The following RO60 variants were observed in gnomAD, a reference collection of about 807,000 sequenced individuals.
The protein encoded by RO60 is Ro60, Y RNA binding protein.
A neutral mutation model predicts 55.3 loss-of-function variants in RO60; 20 were observed. The observed-to-expected ratio is 0.36, with a 90% CI of 0.25 to 0.53. RO60 has a LOEUF of 0.53. RO60 is among the 20% of genes least tolerant of loss of function. The pLI, the probability that RO60 is intolerant of heterozygous loss-of-function variation, is 0.92. For missense variants in RO60, 558 were observed against 646.6 expected (o/e 0.86, Z 1.49); for synonymous variants, 213 against 213.6 (o/e 1.00, Z 0.02).
chr1:193,075,681 G>A, intron 2 of RO60, 139 bp from the exon 3 acceptor site: 1 of 552,580 alleles, frequency 1.8e-6, no homozygotes, highest in Non-Finnish European at 3.2e-6. Context: ...GTTATATCAT[G>A]GAAAGCAGCA....
chr1:193,075,289 C>CTTTT (rs5779659), intron 2 of RO60, among the ~76,000 whole-genome samples: 2 of 135,272 alleles, frequency 1.5e-5, no homozygotes, highest in Non-Finnish European at 1.6e-5. Context: ...TTACTGTTTC[C>CTTTT]TTTTTTTTTT....
intron 1 of RO60, among the ~76,000 whole-genome samples, chr1:193,060,600 A>T (rs575663306): frequency 1.3e-4 from 20 of 152,310 alleles, no homozygotes; most frequent in Middle Eastern, 3.4e-3. Flanking sequence ...GCCTTGTGCT[A>T]CAGATTATGT....
In RO60 at chr1:193,069,348, T is replaced by G; in HGVS notation, c.294T>G (p.Ile98Met). 1 of 1,614,234 alleles carries G rather than the reference T, an allele frequency of 6.2e-7. No individual in the cohort carries two copies. Among genetic ancestry groups the G allele is most frequent in the Non-Finnish European group, 8.5e-7 (1 of 1,180,038 alleles). The change falls in exon 2 of 9, where the codon ATT becomes ATG. Residue 98 changes from isoleucine to methionine, a missense_variant. By Grantham distance (10) the Ile-to-Met change is conservative. Coordinates refer to ENST00000400968, the MANE Select transcript of RO60 (RefSeq NM_001173524.2). ...AGCCTATGCTCTTTGCACTTGCCATTTGTTCCCAGTGCTCCGACATAAGCA... is the reference window on the plus strand; with the variant it reads ...AGCCTATGCTCTTTGCACTTGCCATGTGTTCCCAGTGCTCCGACATAAGCA... ...KQEPMLFALA[I>M]CSQCSDISTK...
intron 1 of RO60, 154 bp from the exon 2 acceptor site, chr1:193,068,880 T>C (rs1471841851): frequency 7.4e-6 from 4 of 541,004 alleles, no homozygotes; most frequent in Non-Finnish European, 1.3e-5. Flanking sequence ...TCAGGACATT[T>C]ATATTGATTT....
rs199900542 is a variant in RO60 at position 193,069,313 on chromosome 1, A to T, written c.259A>T (p.Thr87Ser). ...IKSFSQEGRTTKQEPMLFALA... is the reference protein window; with the variant it reads ...IKSFSQEGRTSKQEPMLFALA... ...GTCATTTAGTCAAGAAGGCAGAACC[A>T]CAAAGCAAGAGCCTATGCTCTTTGC... Residue 87 changes from threonine (T) to serine (S), a missense_variant, in exon 2 of 9, where the codon ACA becomes TCA. Transcript: ENST00000400968. The T allele has an allele frequency of 1.9e-6, 3 of 1,614,278 alleles. No individual in the cohort carries two copies. The highest frequency in any genetic ancestry group is 1.6e-4 in the Middle Eastern group (1 of 6,062).
At chr1:193,070,405 T>C in intron 2 of RO60, 1 of 304,498 alleles carries the variant, frequency 3.3e-6, no homozygotes, top group Non-Finnish European at 6.8e-6. Flanking sequence ...AAAGAGACTT[T>C]TGAAAAGTTA....
At chr1:193,079,253 A>C (rs982371301) in intron 5 of RO60, among the ~76,000 whole-genome samples, 18 of 151,804 alleles carry the variant, frequency 1.2e-4, no homozygotes, top group Non-Finnish European at 2.4e-4. Flanking sequence ...ACACTCAACT[A>C]ATTTATTCCA....
intron 1 of RO60, among the ~76,000 whole-genome samples, chr1:193,068,437 G>A (rs1673261725): frequency 6.6e-6 from 1 of 152,236 alleles, no homozygotes; most frequent in Non-Finnish European, 1.5e-5. Context: ...GAAAGGCCTA[G>A]CCTCCTTTGA....
At position 193,088,529 on chromosome 1, in the gene RO60, T is replaced by G. The variant is rs1186057267; in HGVS notation, c.*3798T>G. On this transcript the variant is annotated 3_prime_UTR_variant, in exon 9 of 9. Coordinates refer to ENST00000400968, the MANE Select transcript of RO60 (RefSeq NM_001173524.2). ...CATAGTAAAGCTACACCTAAATAACTAAAGCCTAAATCATTGTAATGTTTT... is the reference window on the plus strand; with the variant it reads ...CATAGTAAAGCTACACCTAAATAACGAAAGCCTAAATCATTGTAATGTTTT... 6.6e-6 allele frequency: 1 copy of G among 152,168 alleles called. No homozygotes were observed. The highest frequency in any genetic ancestry group is 1.5e-5 in the Non-Finnish European group (1 of 68,022). The allele number at this position is 152,168 out of a possible 1,614,324, so 9.4% of individuals were successfully genotyped here.
Position 193,085,259 on chromosome 1 carries a change from T to TG in RO60, c.*528_*529insG. The TG allele has an allele frequency of 1.8e-6, 2 of 1,128,402 alleles. No homozygotes were observed. The highest frequency in any genetic ancestry group is 4.1e-5 in the South Asian group (1 of 24,498). 69.9% of individuals were successfully genotyped at this position (1,128,402 alleles called of 1,614,324 possible). On this transcript the variant is annotated 3_prime_UTR_variant, in exon 9 of 9. Transcript: ENST00000400968. ...CATTTGATTAAATTATGAATGAGTT[T>TG]TACAAATTCCTTTCAGAGTTTTACT...
Position 193,081,644 on chromosome 1 carries a change from G to A in RO60, c.1203+164G>A, listed in dbSNP as rs777638208. Among the ~76,000 whole-genome samples, 5 of 152,150 alleles carry A rather than the reference G, an allele frequency of 3.3e-5. No homozygotes were observed. The South Asian group carries it at 1.0e-3, about 32-fold the overall frequency. On this transcript the variant is annotated intron_variant, in intron 6 of 8. Coordinates refer to ENST00000400968, the MANE Select transcript of RO60 (RefSeq NM_001173524.2). Reference sequence around the variant, plus strand: ...AAAGATAATTGTGTAAAGCCAGAGTGTTAAGTGTGTTGAAAAAGTATGTCT... The same window carrying A: ...AAAGATAATTGTGTAAAGCCAGAGTATTAAGTGTGTTGAAAAAGTATGTCT...
rs778014302 is a variant in RO60 at position 193,084,563 on chromosome 1, TG to T, written c.1465-14del. 5 of 1,603,282 alleles carry T rather than the reference TG, an allele frequency of 3.1e-6. No individual in the cohort carries two copies. Among genetic ancestry groups the T allele is most frequent in the Non-Finnish European group, 4.3e-6 (5 of 1,175,384 alleles). Reference sequence around the variant, plus strand: ...ACATTTATGTTTTTAATATGTATTTTGGTCTTTTTCTACAGAAAATGGATAT... The same window carrying T: ...ACATTTATGTTTTTAATATGTATTTTGTCTTTTTCTACAGAAAATGGATAT... On this transcript the variant is annotated splice_polypyrimidine_tract_variant and intron_variant, in intron 8 of 8. Coordinates refer to ENST00000400968, the MANE Select transcript of RO60 (RefSeq NM_001173524.2).
intron 1 of RO60, among the ~76,000 whole-genome samples, chr1:193,066,297 A>AT (rs1162973703): frequency 6.6e-6 from 1 of 152,046 alleles, no homozygotes; most frequent in Non-Finnish European, 1.5e-5. Context: ...AGGTAAAAAG[A>AT]TTTTTTCTCT....
At chr1:193,061,298 G>C (rs1294398080) in intron 1 of RO60, among the ~76,000 whole-genome samples, 1 of 152,026 alleles carries the variant, frequency 6.6e-6, no homozygotes, top group Non-Finnish European at 1.5e-5. Context: ...CTGTATCATG[G>C]GTAAACAAAC....
Position 193,075,849 on chromosome 1 carries a change from A to G in RO60, c.610A>G (p.Lys204Glu), listed in dbSNP as rs1276090603. The change falls in exon 3 of 9, where the codon AAG (lysine) becomes GAG (glutamate). Residue 204 changes from lysine (K) to glutamate (E), a missense_variant. Lys to Glu is a moderately conservative substitution (Grantham distance 56). Coordinates refer to ENST00000400968, the MANE Select transcript of RO60 (RefSeq NM_001173524.2). Reference sequence around the variant, plus strand: ...TGCAATTGTGACCAAATATATTACAAAGGGCTGGAAAGAAGTTCATGAATT... The same window carrying G: ...TGCAATTGTGACCAAATATATTACAGAGGGCTGGAAAGAAGTTCATGAATT... ...GLAIVTKYIT[K>E]GWKEVHELYK... is the part of the protein sequence containing the mutation. 1.2e-6 allele frequency: 2 copies of G among 1,608,972 alleles called. No individual in the cohort carries two copies. Among genetic ancestry groups the G allele is most frequent in the South Asian group, 2.2e-5 (2 of 89,888 alleles).
In RO60 at chr1:193,089,901, G is replaced by C. The variant is rs2103090852; in HGVS notation, c.*5170G>C. On this transcript the variant is annotated 3_prime_UTR_variant, in exon 9 of 9. Transcript: ENST00000400968. ...GCTCACTGCAACCTCCATTTCCCAG[G>C]TTCAAGCAATTCTCCTGCCTCAGCC... 6.6e-6 allele frequency: 1 copy of C among 151,794 alleles called. No individual in the cohort carries two copies. The highest frequency in any genetic ancestry group is 2.1e-4 in the South Asian group (1 of 4,818). 9.4% of individuals were successfully genotyped at this position (151,794 alleles called of 1,614,324 possible).
intron 4 of RO60, 123 bp downstream of exon 4, chr1:193,076,770 T>C (rs1673951932): frequency 7.5e-7 from 1 of 1,330,988 alleles, no homozygotes; most frequent in African/African-American, 1.5e-5. Flanking sequence ...AATTGCATTA[T>C]GGCTCTTAAG....
intron 1 of RO60, among the ~76,000 whole-genome samples, chr1:193,068,693 C>CA (rs1673279703): frequency 6.6e-6 from 1 of 152,174 alleles, no homozygotes; most frequent in Non-Finnish European, 1.5e-5. Flanking sequence ...TTCTGATTAT[C>CA]ACACCACTGT....
In RO60 at chr1:193,088,020, C is replaced by CT. The variant is rs571625563; in HGVS notation, c.*3299dup. The CT allele has an allele frequency of 5.6e-4, 84 of 148,932 alleles. 1 individual carries two copies. Among genetic ancestry groups the CT allele is most frequent in the Admixed American group, 4.6e-3 (69 of 14,898 alleles). 9.2% of individuals were successfully genotyped at this position (148,932 alleles called of 1,614,324 possible). A position where few individuals can be genotyped will look rare whatever the true frequency, so the allele number is the denominator to read the frequency against. ...ACTCTGAGGAAATGCTGTTAACAAA[C>CT]TTTTTTTTTTGAGACAGGCTATCCC... On this transcript the variant is annotated 3_prime_UTR_variant, in exon 9 of 9. Coordinates refer to ENST00000400968, the MANE Select transcript of RO60 (RefSeq NM_001173524.2).
Sources: allele counts gnomAD v4.1 joint callset (sites outside exome capture counted in the v4.1 genomes callset), GRCh38; gene constraint gnomAD v4.1.1; transcripts MANE v1.5; gene names NCBI Gene and HGNC (gene_info 2026-07-23, HGNC 2026-07-21).